Variants in NR2F2 observed in about 807,000 individuals in gnomAD.
The protein encoded by NR2F2 is COUP transcription factor 2.
NR2F2 carries 2 observed loss-of-function variants against 34.8 expected under a neutral mutation model. The observed-to-expected ratio is 0.06, with a 90% CI of 0.02 to 0.18. The LOEUF is 0.18. NR2F2 is among the 10% of genes least tolerant of loss of function. The probability of loss-of-function intolerance (pLI) is 1.00; values close to 1 mark genes in which losing one functional copy is unlikely to be tolerated. For missense variants in NR2F2, 300 were observed against 580.1 expected (o/e 0.52, Z 4.96); for synonymous variants, 274 against 251.8 (o/e 1.09, Z -0.84).
rs944005306 is a variant in NR2F2, at chr15:96,331,390, G to A, written c.-716G>A. On this transcript the variant is annotated 5_prime_UTR_variant, in exon 1 of 3. Transcript: ENST00000394166. ...CGGGCAGCGCTCCGGCCACTCCGCGGGCCGCCGGCCTCCGCCCCGGCCTGC... is the reference window on the plus strand; with the variant it reads ...CGGGCAGCGCTCCGGCCACTCCGCGAGCCGCCGGCCTCCGCCCCGGCCTGC... 4.1e-6 allele frequency: 5 copies of A among 1,226,476 alleles called. No individual in the cohort carries two copies. Among genetic ancestry groups the A allele is most frequent in the African/African-American group, 1.6e-5 (1 of 64,080 alleles). The allele number at this position is 1,226,476 out of a possible 1,614,324, so 76.0% of individuals were successfully genotyped here.
Position 96,330,873 on chromosome 15 carries a change from T to C in NR2F2, c.-1233T>C. The C allele has an allele frequency of 8.6e-7, 1 of 1,157,902 alleles. No individual in the cohort carries two copies. Among genetic ancestry groups the C allele is most frequent in the Non-Finnish European group, 1.1e-6 (1 of 939,910 alleles). The allele number at this position is 1,157,902 out of a possible 1,614,324, so 71.7% of individuals were successfully genotyped here. ...CCTCCTCTCCCCGAGTTGCCTCCTT[T>C]CTCCGGGTGCCGTACTGCCTTTTTT... On this transcript the variant is annotated 5_prime_UTR_variant, in exon 1 of 3. Coordinates refer to ENST00000394166, the MANE Select transcript of NR2F2 (RefSeq NM_021005.4).
Position 96,339,649 on chromosome 15 carries a change from AGAAG to A in NR2F2, c.*2034_*2037del, listed in dbSNP as rs1392551034. The A allele has an allele frequency of 6.6e-6, 1 of 152,068 alleles. No homozygotes were observed. Among genetic ancestry groups the A allele is most frequent in the Non-Finnish European group, 1.5e-5 (1 of 68,058 alleles). 9.4% of individuals were successfully genotyped at this position (152,068 alleles called of 1,614,324 possible). ...GAGAAAGCAGGACAGAGAAAAAGAAAGAAGGAAGGAGGGAAACTTTACAGGGTGT... is the reference window on the plus strand; with the variant it reads ...GAGAAAGCAGGACAGAGAAAAAGAAAGAAGGAGGGAAACTTTACAGGGTGT... On this transcript the variant is annotated 3_prime_UTR_variant, in exon 3 of 3. Transcript: ENST00000394166.
In NR2F2 at chr15:96,331,059, GCAGCAGCAGCGGCTC is replaced by G; in HGVS notation, c.-1045_-1031del. 8.1e-7 allele frequency: 1 copy of G among 1,241,308 alleles called. No individual in the cohort carries two copies. The highest frequency in any genetic ancestry group is 1.0e-6 in the Non-Finnish European group (1 of 996,934). The allele number at this position is 1,241,308 out of a possible 1,614,324, so 76.9% of individuals were successfully genotyped here. A position where few individuals can be genotyped will look rare whatever the true frequency, so the allele number is the denominator to read the frequency against. On this transcript the variant is annotated 5_prime_UTR_variant, in exon 1 of 3. Coordinates refer to ENST00000394166, the MANE Select transcript of NR2F2 (RefSeq NM_021005.4). Reference sequence around the variant, plus strand: ...TGTGTGTGAGGCGGCGGCGGCAGCAGCAGCAGCAGCGGCTCCGGCGGCGGCAGCAGCGGCAGCAGC... The same window carrying G: ...TGTGTGTGAGGCGGCGGCGGCAGCAGCGGCGGCGGCAGCAGCGGCAGCAGC...
At chr15:96,330,465 G>T (rs1310664031), upstream of NR2F2, among the ~76,000 whole-genome samples, 6 of 96,840 alleles carry the variant, frequency 6.2e-5, no homozygotes, top group East Asian at 2.0e-3. Flanking sequence ...GGTCCCCCGC[G>T]TGCCCCGCGC....
At chr15:96,336,691 G>A (rs1324173942) in intron 2 of NR2F2, among the ~76,000 whole-genome samples, 2 of 151,866 alleles carry the variant, frequency 1.3e-5, no homozygotes, top group Non-Finnish European at 2.9e-5. Flanking sequence ...GAGAAAAAGG[G>A]AGAGAGAAGA....
Position 96,337,817 on chromosome 15 carries a change from G to C in NR2F2, c.*195G>C. The C allele has an allele frequency of 4.2e-6, 1 of 238,390 alleles. No homozygotes were observed. The highest frequency in any genetic ancestry group is 7.0e-6 in the Non-Finnish European group (1 of 142,018). The allele number at this position is 238,390 out of a possible 1,614,324, so 14.8% of individuals were successfully genotyped here. A position where few individuals can be genotyped will look rare whatever the true frequency, so the allele number is the denominator to read the frequency against. ...ACTGTCAAATGAACTTTTACAGAAT[G>C]CATTAAAAAAAAAAAAAAACTCCTG... On this transcript the variant is annotated 3_prime_UTR_variant, in exon 3 of 3. Coordinates refer to ENST00000394166, the MANE Select transcript of NR2F2 (RefSeq NM_021005.4).
chr15:96,336,211 G>A lies in NR2F2; in HGVS notation c.971-1137G>A, dbSNP rs186353897. Among the ~76,000 whole-genome samples the A allele has an allele frequency of 7.6e-4, 115 of 151,964 alleles. 1 individual carries two copies. Among genetic ancestry groups the A allele is most frequent in the Non-Finnish European group, 1.5e-3 (101 of 67,964 alleles). On this transcript the variant is annotated intron_variant, in intron 2 of 2. Coordinates refer to ENST00000394166, the MANE Select transcript of NR2F2 (RefSeq NM_021005.4). ...TTTAATTTATGACTATTTGCAAAAT[G>A]TGGAGGCCTGTGTGGAGAATGCAAA...
Position 96,332,097 on chromosome 15 carries a change from C to A in NR2F2, c.-9C>A. The A allele has an allele frequency of 7.6e-7, 1 of 1,316,938 alleles. No homozygotes were observed. Among genetic ancestry groups the A allele is most frequent in the Non-Finnish European group, 9.7e-7 (1 of 1,032,962 alleles). 81.6% of individuals were successfully genotyped at this position (1,316,938 alleles called of 1,614,324 possible). On this transcript the variant is annotated 5_prime_UTR_variant, in exon 1 of 3. Coordinates refer to ENST00000394166, the MANE Select transcript of NR2F2 (RefSeq NM_021005.4). ...GGGAGCAGGAAGTCCGGACGCAGCC[C>A]CCATAGATATGGCAATGGTAGTCAG...
At chr15:96,336,595 A>G (rs192692906) in intron 2 of NR2F2, among the ~76,000 whole-genome samples, 191 of 152,128 alleles carry the variant, frequency 1.3e-3, no homozygotes, top group African/African-American at 4.5e-3. Flanking sequence ...TTCACGTATC[A>G]AAAAAGAAAA....
rs1899446506 is a variant in NR2F2 at position 96,339,792 on chromosome 15, T to C, written c.*2170T>C. 6.6e-6 allele frequency: 1 copy of C among 152,164 alleles called. No individual in the cohort carries two copies. Among genetic ancestry groups the C allele is most frequent in the African/African-American group, 2.4e-5 (1 of 41,440 alleles). The allele number at this position is 152,164 out of a possible 1,614,324, so 9.4% of individuals were successfully genotyped here. On this transcript the variant is annotated 3_prime_UTR_variant, in exon 3 of 3. Transcript: ENST00000394166. ...TGGGAGCTTGCAATTTTGTTCTTAT[T>C]CAAGGTTTCCAACCCACCCCCCCAC...
At chr15:96,333,333 C>G in intron 1 of NR2F2, 8 of 1,001,850 alleles carry the variant, frequency 8.0e-6, no homozygotes, top group Non-Finnish European at 9.6e-6. Flanking sequence ...GCGAGAGCGA[C>G]TCTCCCGGTC....
In NR2F2 at chr15:96,331,179, C is replaced by T; in HGVS notation, c.-927C>T. On this transcript the variant is annotated 5_prime_UTR_variant, in exon 1 of 3. Transcript: ENST00000394166. ...GCTTCGGCGGCGGCTCCGGCGGCAGCGGCGGCCCGGGCGGCCCGCAGGGAA... is the reference window on the plus strand; with the variant it reads ...GCTTCGGCGGCGGCTCCGGCGGCAGTGGCGGCCCGGGCGGCCCGCAGGGAA... 1 of 972,124 alleles carries T rather than the reference C, an allele frequency of 1.0e-6. No homozygotes were observed. The highest frequency in any genetic ancestry group is 1.2e-6 in the Non-Finnish European group (1 of 818,644). 60.2% of individuals were successfully genotyped at this position (972,124 alleles called of 1,614,324 possible). A position where few individuals can be genotyped will look rare whatever the true frequency, so the allele number is the denominator to read the frequency against.
At chr15:96,336,351 GAC>G (rs1384385501) in intron 2 of NR2F2, among the ~76,000 whole-genome samples, 1 of 152,186 alleles carries the variant, frequency 6.6e-6, no homozygotes, top group African/African-American at 2.4e-5. Context: ...CCTGTCCACA[GAC>G]ACCTCTACAT....
intron 1 of NR2F2, 122 bp from the exon 2 acceptor site, chr15:96,333,954 C>T (rs1899239309): frequency 1.3e-6 from 2 of 1,507,844 alleles, no homozygotes; most frequent in Admixed American, 4.3e-5. Flanking sequence ...GGCAGGCCTG[C>T]CTGGTTCTTG....
Position 96,331,744 on chromosome 15 carries a change from T to C in NR2F2, c.-362T>C, listed in dbSNP as rs1596423952. Reference sequence around the variant, plus strand: ...TTGAAGCCAGACAATCGACTTCAGCTCTCCCTCCCCTCCCTCTTTCTCCAC... The same window carrying C: ...TTGAAGCCAGACAATCGACTTCAGCCCTCCCTCCCCTCCCTCTTTCTCCAC... On this transcript the variant is annotated 5_prime_UTR_variant, in exon 1 of 3. Transcript: ENST00000394166. The C allele has an allele frequency of 9.4e-7, 1 of 1,065,068 alleles. No homozygotes were observed. The allele number at this position is 1,065,068 out of a possible 1,614,324, so 66.0% of individuals were successfully genotyped here.
chr15:96,331,910 G>C lies in NR2F2; in HGVS notation c.-196G>C, dbSNP rs1251097126. Reference sequence around the variant, plus strand: ...AAGCCATCGACAAAACTTTGCAAAAGCAAAAACAAAAAAGGAAAAACTAAC... The same window carrying C: ...AAGCCATCGACAAAACTTTGCAAAACCAAAAACAAAAAAGGAAAAACTAAC... On this transcript the variant is annotated 5_prime_UTR_variant, in exon 1 of 3. Transcript: ENST00000394166. The C allele has an allele frequency of 1.7e-5, 21 of 1,207,750 alleles. No individual in the cohort carries two copies. The highest frequency in any genetic ancestry group is 4.4e-5 in the Admixed American group (1 of 22,748). 74.8% of individuals were successfully genotyped at this position (1,207,750 alleles called of 1,614,324 possible).
At chr15:96,326,390 C>T, upstream of NR2F2, 2 of 1,561,210 alleles carry the variant, frequency 1.3e-6, no homozygotes, top group Non-Finnish European at 1.8e-6. This position sits in a 1 kb window ranked among gnomAD's most constrained non-coding sequence, Gnocchi z 5.5. Context: ...TCTCTCTTTC[C>T]TTTCTCACTT....
upstream of NR2F2, among the ~76,000 whole-genome samples, chr15:96,329,017 T>A (rs1167535677): frequency 6.6e-6 from 1 of 152,248 alleles, no homozygotes; most frequent in Non-Finnish European, 1.5e-5. Context: ...GGTTTATTTT[T>A]AAAATATCTT....
chr15:96,331,950 C>T lies in NR2F2; in HGVS notation c.-156C>T, dbSNP rs548346364. The T allele has an allele frequency of 2.1e-3, 2,487 of 1,209,602 alleles. 2 individuals are homozygous for T. The highest frequency in any genetic ancestry group is 2.4e-3 in the Non-Finnish European group (2,367 of 973,862). 74.9% of individuals were successfully genotyped at this position (1,209,602 alleles called of 1,614,324 possible). On this transcript the variant is annotated 5_prime_UTR_variant, in exon 1 of 3. Coordinates refer to ENST00000394166, the MANE Select transcript of NR2F2 (RefSeq NM_021005.4). ...GAAAAACTAACCAACCTCAACCAAC[C>T]AGCCCCCGAGCCACCCGGGGCGCCC...
Sources: allele counts gnomAD v4.1 joint callset (sites outside exome capture counted in the v4.1 genomes callset), GRCh38; gene constraint gnomAD v4.1.1; non-coding constraint Gnocchi (gnomAD v3.1); transcripts MANE v1.5; gene names NCBI Gene and HGNC (gene_info 2026-07-23, HGNC 2026-07-21).